The following PCDHGB5 variants were observed in gnomAD, a reference collection of about 807,000 sequenced individuals.
PCDHGB5 encodes the protein protocadherin gamma subfamily B, 5.
A neutral mutation model predicts 62.9 loss-of-function variants in PCDHGB5; 48 were observed. The ratio of observed to expected loss-of-function variants is 0.76; its 90% confidence interval spans 0.61 to 0.97. The LOEUF (loss-of-function observed/expected upper bound fraction) is 0.97. Among genes scored for constraint, PCDHGB5 ranks in the 50% least tolerant of loss-of-function variants. The pLI is 0.00. For synonymous variants in PCDHGB5, 474 were observed against 511.2 expected, an observed-to-expected ratio of 0.93 and a Z score of 0.98; for missense variants, 1,118 against 1,198.6, an observed-to-expected ratio of 0.93 and a Z score of 0.99.
At chr5:141,507,852 T>C (rs556569001) in intron 3 of PCDHGB5, among the ~76,000 whole-genome samples, 25 of 152,118 alleles carry the variant, frequency 1.6e-4, no homozygotes, top group Non-Finnish European at 2.6e-4. Context: ...CTGCTCTCAC[T>C]TTCACACCCG....
At chr5:141,484,857 G>C in intron 1 of PCDHGB5, 1 of 264,370 alleles carries the variant, frequency 3.8e-6, no homozygotes. Flanking sequence ...TTTTTGGGGG[G>C]TGGGGGAGCG....
chr5:141,409,928 G>C (rs2095338081), intron 1 of PCDHGB5: 1 of 1,613,354 alleles, frequency 6.2e-7, no homozygotes, highest in Non-Finnish European at 8.5e-7. Context: ...CGCGTTCTTC[G>C]ATATGGTACC....
At position 141,512,881 on chromosome 5, in the gene PCDHGB5, C is replaced by T. The variant is rs1274589284; in HGVS notation, c.*1708C>T. 1.3e-5 allele frequency: 2 copies of T among 152,268 alleles called. No homozygotes were observed. Among genetic ancestry groups the T allele is most frequent in the African/African-American group, 4.8e-5 (2 of 41,458 alleles). 9.4% of individuals were successfully genotyped at this position (152,268 alleles called of 1,614,324 possible). On this transcript the variant is annotated 3_prime_UTR_variant, in exon 4 of 4. Coordinates refer to ENST00000617380, the MANE Select transcript of PCDHGB5 (RefSeq NM_018925.3). Reference sequence around the variant, plus strand: ...TCGCATAGTCACGTAGCTCCCACCCCACCCTCTTCCTGTGTCTCACGCAAG... The same window carrying T: ...TCGCATAGTCACGTAGCTCCCACCCTACCCTCTTCCTGTGTCTCACGCAAG...
intron 1 of PCDHGB5, chr5:141,420,276 T>C: frequency 6.6e-7 from 1 of 1,523,250 alleles, no homozygotes; most frequent in Non-Finnish European, 8.9e-7. Context: ...CTTAAACAGG[T>C]AAGTATTTAA....
Position 141,432,014 on chromosome 5 carries a change from AACATC to A in PCDHGB5, c.2397+31494_2397+31498del. ...GGATAGGGAACAGGTTCCTAGCTAC[AACATC>A]ACAGTGACCGCCACTGACCGGGGAA... On this transcript the variant is annotated intron_variant, in intron 1 of 3. Transcript: ENST00000617380. This position sits in a 1 kb window ranked among gnomAD's most constrained non-coding sequence, Gnocchi z 6.0. 6.2e-7 allele frequency: 1 copy of A among 1,614,078 alleles called. No individual in the cohort carries two copies. The highest frequency in any genetic ancestry group is 8.5e-7 in the Non-Finnish European group (1 of 1,180,036).
chr5:141,424,134 A>G (rs1255504512), intron 1 of PCDHGB5: 7 of 444,220 alleles, frequency 1.6e-5, no homozygotes, highest in Non-Finnish European at 2.2e-5. Context: ...TTGATTTAAT[A>G]GCATGCTCCC....
At chr5:141,430,752 A>C (rs772436100) in intron 1 of PCDHGB5, 1 of 1,501,400 alleles carries the variant, frequency 6.7e-7, no homozygotes, top group East Asian at 2.3e-5. Context: ...TTCTGGAGGA[A>C]GATAAGAATG....
At chr5:141,414,037 T>C (rs769920301) in intron 1 of PCDHGB5, 2 of 1,611,060 alleles carry the variant, frequency 1.2e-6, no homozygotes, top group Admixed American at 1.7e-5. Context: ...ATTCCGAAAA[T>C]TACCTGACAC....
intron 1 of PCDHGB5, among the ~76,000 whole-genome samples, chr5:141,467,951 A>G (rs2099155044): frequency 6.6e-6 from 1 of 151,944 alleles, no homozygotes; most frequent in East Asian, 1.9e-4. Context: ...GAGCCACCAC[A>G]CCCGGCTGCC....
Position 141,424,835 on chromosome 5 carries a change from T to C in PCDHGB5, c.2397+24311T>C, listed in dbSNP as rs999861185. Among the ~76,000 whole-genome samples, 20 of 152,310 alleles carry C rather than the reference T, an allele frequency of 1.3e-4. No individual in the cohort carries two copies. The South Asian group carries it at 3.5e-3, about 27-fold the overall frequency. On this transcript the variant is annotated intron_variant, in intron 1 of 3. Coordinates refer to ENST00000617380, the MANE Select transcript of PCDHGB5 (RefSeq NM_018925.3). ...AAGCTTGATAGTTGCCTGACATACA[T>C]GTTATCTGAAGCAATGTCTAGGAAA... is the stretch of plus-strand genomic sequence containing the variant.
chr5:141,436,875 A>C (rs1182313546), intron 1 of PCDHGB5, among the ~76,000 whole-genome samples: 3 of 152,236 alleles, frequency 2.0e-5, no homozygotes, highest in African/African-American at 7.2e-5. Context: ...TTAGGCCATA[A>C]AAGATGGGGG....
In PCDHGB5 at chr5:141,511,599, C is replaced by G; in HGVS notation, c.*426C>G. 4.0e-6 allele frequency: 1 copy of G among 252,540 alleles called. No homozygotes were observed. Among genetic ancestry groups the G allele is most frequent in the South Asian group, 5.2e-5 (1 of 19,398 alleles). 15.6% of individuals were successfully genotyped at this position (252,540 alleles called of 1,614,324 possible). ...GTTGGGGTGTTGAAGTACCAAGTAA[C>G]CTACAAGCCTCCTAGTTCTGAAAAG... On this transcript the variant is annotated 3_prime_UTR_variant, in exon 4 of 4. Coordinates refer to ENST00000617380, the MANE Select transcript of PCDHGB5 (RefSeq NM_018925.3).
chr5:141,509,308 C>G (rs943174290), intron 3 of PCDHGB5, among the ~76,000 whole-genome samples: 6 of 152,152 alleles, frequency 3.9e-5, no homozygotes, highest in African/African-American at 1.4e-4. Flanking sequence ...CAGAGGGAGG[C>G]TGGGAGAGAA....
intron 1 of PCDHGB5, chr5:141,478,884 C>T (rs767294994): frequency 9.2e-5 from 110 of 1,194,180 alleles, no homozygotes; most frequent in Non-Finnish European, 1.2e-4. Context: ...AGCTTGGTAT[C>T]ATTTACATTA....
chr5:141,429,638 A>G (rs2097231013), intron 1 of PCDHGB5, among the ~76,000 whole-genome samples: 1 of 152,238 alleles, frequency 6.6e-6, no homozygotes, highest in African/African-American at 2.4e-5. Flanking sequence ...ACAGCTACCT[A>G]TATATTTCTT....
At chr5:141,427,857 G>T (rs746661329) in intron 1 of PCDHGB5, 2 of 1,554,576 alleles carry the variant, frequency 1.3e-6, no homozygotes, top group Admixed American at 3.3e-5. Flanking sequence ...GCAGCTGTGC[G>T]CCTTCGAGCT....
chr5:141,398,811 C>T lies in PCDHGB5; in HGVS notation c.684C>T (p.Leu228=), dbSNP rs1231007055. 2.5e-6 allele frequency: 4 copies of T among 1,613,862 alleles called. No homozygotes were observed. The highest frequency in any genetic ancestry group is 3.4e-6 in the Non-Finnish European group (4 of 1,179,902). ...GHPPLSGTTE[L]RIQVTDANDN... ...CACCCCTAAGCGGCACCACTGAGCTCCGGATCCAGGTAACCGACGCCAATG... is the reference window on the plus strand; with the variant it reads ...CACCCCTAAGCGGCACCACTGAGCTTCGGATCCAGGTAACCGACGCCAATG... The change falls in exon 1 of 4, where the codon CTC becomes CTT. Residue 228 remains leucine, a synonymous_variant. Transcript: ENST00000617380.
chr5:141,404,164 G>A, intron 1 of PCDHGB5: 2 of 1,613,126 alleles, frequency 1.2e-6, no homozygotes, highest in South Asian at 2.2e-5. Context: ...ATTACAGATT[G>A]TTGACGGCCC....
chr5:141,403,200 C>T (rs765799006), intron 1 of PCDHGB5: 1 of 1,613,982 alleles, frequency 6.2e-7, no homozygotes, highest in South Asian at 1.1e-5. Flanking sequence ...CGCAGCGGCA[C>T]CTTGGTCACC....
Sources: allele counts gnomAD v4.1 joint callset (sites outside exome capture counted in the v4.1 genomes callset), GRCh38; gene constraint gnomAD v4.1.1; non-coding constraint Gnocchi (gnomAD v3.1); transcripts MANE v1.5; gene names NCBI Gene and HGNC (gene_info 2026-07-23, HGNC 2026-07-21).